The following UTRN variants were observed in gnomAD, a reference collection of about 807,000 sequenced individuals.
UTRN encodes the protein utrophin.
A neutral mutation model predicts 463.9 loss-of-function variants in UTRN; 283 were observed. The ratio of observed to expected loss-of-function variants is 0.61; its 90% CI spans 0.55 to 0.67. The LOEUF is 0.67. Ranked by LOEUF, UTRN falls within the 30% of genes least tolerant of loss-of-function variation. The probability of loss-of-function intolerance (pLI) is 0.00; values close to 1 mark genes in which losing one functional copy is unlikely to be tolerated. For synonymous variants in UTRN, 1,442 were observed against 1,431.5 expected, an observed-to-expected ratio of 1.01 and a Z score of -0.17; for missense variants, 3,922 against 4,084.3, an observed-to-expected ratio of 0.96 and a Z score of 1.08.
chr6:144,299,456 A>G (rs1420777467), intron 2 of UTRN, among the ~76,000 whole-genome samples: 1 of 152,136 alleles, frequency 6.6e-6, no homozygotes. Context: ...TTTACACTGT[A>G]TTTTGAAGAG....
chr6:144,514,459 A>G lies in UTRN; in HGVS notation c.5074-191A>G, dbSNP rs117804298. Among the ~76,000 whole-genome samples the G allele has an allele frequency of 4.2e-3, 640 of 152,290 alleles. 6 individuals carry two copies. Among genetic ancestry groups the G allele is most frequent in the Non-Finnish European group, 7.1e-3 (480 of 68,030 alleles). ...GCGAGTCTTACTTCTGTATTTTCCA[A>G]TGAGAATTACTTACCTCTGTGTTCT... On this transcript the variant is annotated intron_variant, in intron 36 of 74. Coordinates refer to ENST00000367545, the MANE Select transcript of UTRN (RefSeq NM_007124.3).
chr6:144,417,189 C>T (rs1475562750), intron 3 of UTRN, among the ~76,000 whole-genome samples: 1 of 152,070 alleles, frequency 6.6e-6, no homozygotes, highest in South Asian at 2.1e-4. Flanking sequence ...CTTTGGGGGG[C>T]CACTAAATAT....
intron 2 of UTRN, among the ~76,000 whole-genome samples, chr6:144,332,341 G>A (rs1776394400): frequency 6.6e-6 from 1 of 152,222 alleles, no homozygotes. Context: ...CTGTAGGGAT[G>A]ATAGATCCTT....
chr6:144,663,362 C>G (rs1449887787), intron 51 of UTRN, among the ~76,000 whole-genome samples: 2 of 152,132 alleles, frequency 1.3e-5, no homozygotes, highest in Non-Finnish European at 2.9e-5. Flanking sequence ...ACACACCTCT[C>G]TGAGATCCAG....
chr6:144,588,805 G>A (rs987407505), intron 51 of UTRN, among the ~76,000 whole-genome samples: 5 of 152,136 alleles, frequency 3.3e-5, no homozygotes, highest in African/African-American at 1.2e-4. Context: ...TTTATTTTTA[G>A]TTCTCTAAAA....
At chr6:144,622,321 G>A (rs1775505957) in intron 51 of UTRN, among the ~76,000 whole-genome samples, 1 of 150,682 alleles carries the variant, frequency 6.6e-6, no homozygotes, top group African/African-American at 2.4e-5. Flanking sequence ...CAAGTAGCTG[G>A]GATTACAGGC....
rs371948336 is a variant in UTRN at position 144,577,226 on chromosome 6, T to G, written c.7417T>G (p.Ser2473Ala). Residue 2473 changes from serine (S) to alanine (A), a missense_variant, in exon 51 of 75, where the codon TCT (serine) becomes GCT (alanine). Around this residue, in one of 3 missense-constraint regions of UTRN, gnomAD observed 1,309 missense variants for 1,452.6 expected, o/e 0.90. Coordinates refer to ENST00000367545, the MANE Select transcript of UTRN (RefSeq NM_007124.3). Reference sequence around the variant, plus strand: ...CACAGTGAATGTGCTTGTGGATGCCTCTCATCGGGAGAATGCTCTTCAGGA... The same window carrying G: ...CACAGTGAATGTGCTTGTGGATGCCGCTCATCGGGAGAATGCTCTTCAGGA... ...ETTVNVLVDA[S>A]HRENALQDSI... 19 of 1,613,834 alleles carry G rather than the reference T, an allele frequency of 1.2e-5. No individual in the cohort carries two copies. Among genetic ancestry groups the G allele is most frequent in the Non-Finnish European group, 1.5e-5 (18 of 1,179,910 alleles).
At position 144,793,951 on chromosome 6, in the gene UTRN, G is replaced by A; in HGVS notation, c.9038G>A (p.Gly3013Asp). Residue 3013 changes from glycine (G) to aspartate (D), a missense_variant, in exon 63 of 75, where the codon GGC becomes GAC. Physicochemically the swap from Gly to Asp is moderately conservative, Grantham distance 94. This residue lies in a region of UTRN where 1,309 missense variants were observed against 1,452.6 expected (regional missense o/e 0.90). Transcript: ENST00000367545. ...RQLGEVAAFG[G>D]SNIEPSVRSC... ...CTAGGTGAAGTAGCAGCTTTTGGAG[G>A]CAGTAATATTGAGCCTAGTGTTCGC... 1 of 1,614,076 alleles carries A rather than the reference G, an allele frequency of 6.2e-7. No homozygotes were observed. Among genetic ancestry groups the A allele is most frequent in the Non-Finnish European group, 8.5e-7 (1 of 1,179,976 alleles).
At chr6:144,677,276 C>T (rs547927477) in intron 51 of UTRN, among the ~76,000 whole-genome samples, 14 of 152,124 alleles carry the variant, frequency 9.2e-5, no homozygotes, top group African/African-American at 3.4e-4. Context: ...TTCGCCCTAC[C>T]CCCCGACATC....
At chr6:144,823,646 G>A (rs547379590) in intron 66 of UTRN, among the ~76,000 whole-genome samples, 2 of 151,906 alleles carry the variant, frequency 1.3e-5, no homozygotes, top group Non-Finnish European at 2.9e-5. Flanking sequence ...TCCATGCTAA[G>A]GTTTATTCGA....
intron 41 of UTRN, among the ~76,000 whole-genome samples, chr6:144,525,742 T>G (rs1371634612): frequency 6.6e-6 from 1 of 152,120 alleles, no homozygotes; most frequent in Non-Finnish European, 1.5e-5. Flanking sequence ...TGGTTTGTTC[T>G]TGTTTATCTA....
At chr6:144,387,364 C>G (rs1351537125) in intron 2 of UTRN, among the ~76,000 whole-genome samples, 1 of 152,078 alleles carries the variant, frequency 6.6e-6, no homozygotes, top group African/African-American at 2.4e-5. Flanking sequence ...TTCTTGAACT[C>G]CTGACCTTAA....
chr6:144,576,007 A>G (rs1801399259), intron 50 of UTRN, among the ~76,000 whole-genome samples: 1 of 152,196 alleles, frequency 6.6e-6, no homozygotes, highest in Non-Finnish European at 1.5e-5. Context: ...ATGGAATTTC[A>G]CCATATCTGG....
intron 53 of UTRN, 39 bp from the exon 54 acceptor site, chr6:144,730,318 G>T: frequency 6.5e-7 from 1 of 1,532,998 alleles, no homozygotes; most frequent in Non-Finnish European, 8.8e-7. Flanking sequence ...TGGTGAACAC[G>T]TGAGGTTACA....
intron 54 of UTRN, among the ~76,000 whole-genome samples, chr6:144,737,310 G>C (rs796683765): frequency 7.9e-5 from 12 of 152,296 alleles, no homozygotes; most frequent in African/African-American, 2.9e-4. Flanking sequence ...GTAGCAAAAT[G>C]AAGTGACAGG....
At chr6:144,762,688 C>T (rs985476180) in intron 58 of UTRN, among the ~76,000 whole-genome samples, 7 of 152,164 alleles carry the variant, frequency 4.6e-5, no homozygotes, top group Admixed American at 3.9e-4. Context: ...TGGGGAAACA[C>T]ACTCTTTGGC....
chr6:144,843,468 A>ATAATT (rs1225493539), intron 73 of UTRN, among the ~76,000 whole-genome samples: 1 of 152,238 alleles, frequency 6.6e-6, no homozygotes, highest in African/African-American at 2.4e-5. Context: ...ATAAATAATC[A>ATAATT]TAATTTAGAG....
At chr6:144,543,533 A>G (rs1798158674) in intron 46 of UTRN, among the ~76,000 whole-genome samples, 1 of 152,138 alleles carries the variant, frequency 6.6e-6, no homozygotes, top group South Asian at 2.1e-4. Context: ...AAATGTGACC[A>G]ACTCTAACTG....
intron 45 of UTRN, among the ~76,000 whole-genome samples, chr6:144,542,029 C>T (rs1347979727): frequency 6.6e-6 from 1 of 152,174 alleles, no homozygotes; most frequent in Non-Finnish European, 1.5e-5. Flanking sequence ...CACTGTGCAT[C>T]ACAAGGAATT....
Sources: allele counts gnomAD v4.1 joint callset (sites outside exome capture counted in the v4.1 genomes callset), GRCh38; gene constraint gnomAD v4.1.1; regional missense constraint gnomAD v4.1.1; transcripts MANE v1.5; gene names NCBI Gene and HGNC (gene_info 2026-07-23, HGNC 2026-07-21).